The following AP1AR variants were observed in gnomAD, a reference collection of about 807,000 sequenced individuals.
AP1AR encodes the protein AP-1 complex-associated regulatory protein.
AP1AR carries 29 observed loss-of-function variants against 46.3 expected under a neutral mutation model. The observed-to-expected ratio is 0.63, with a 90% CI of 0.47 to 0.85. AP1AR has a LOEUF of 0.85. AP1AR is among the 40% of genes least tolerant of loss of function. AP1AR has a pLI of 0.00. For missense variants in AP1AR, 357 were observed against 356.3 expected (o/e 1.00, Z -0.02); for synonymous variants, 122 against 122.9 (o/e 0.99, Z 0.05).
At chr4:112,265,578 A>C (rs1398556361) in intron 7 of AP1AR, among the ~76,000 whole-genome samples, 156 bp from the exon 8 acceptor site, 1 of 151,962 alleles carries the variant, frequency 6.6e-6, no homozygotes, top group African/African-American at 2.4e-5. Context: ...GTATTAAGAA[A>C]ATTAAGAACT....
intron 1 of AP1AR, among the ~76,000 whole-genome samples, chr4:112,240,572 G>A (rs1725448153): frequency 1.3e-5 from 2 of 152,140 alleles, no homozygotes; most frequent in African/African-American, 4.8e-5. Context: ...ATACTTGTTG[G>A]CAGAATTAAT....
chr4:112,261,514 G>C (rs1726441120), intron 5 of AP1AR, among the ~76,000 whole-genome samples: 1 of 152,014 alleles, frequency 6.6e-6, no homozygotes. Flanking sequence ...TTTTTATCTT[G>C]GTGTATTTGT....
chr4:112,242,241 A>G (rs1344693946), intron 1 of AP1AR, among the ~76,000 whole-genome samples: 1 of 152,180 alleles, frequency 6.6e-6, no homozygotes, highest in Non-Finnish European at 1.5e-5. Context: ...AACATCGATA[A>G]GTGAATATGT....
chr4:112,255,810 CA>C (rs1303877033), intron 3 of AP1AR, among the ~76,000 whole-genome samples: 1 of 152,160 alleles, frequency 6.6e-6, no homozygotes. Flanking sequence ...TGATCTTAGT[CA>C]AAAGGCTAAG....
rs1173235772 is a variant in AP1AR, at chr4:112,242,916, A to G, written c.84-10292A>G. 2.0e-5 allele frequency among the ~76,000 whole-genome samples: 3 copies of G among 152,224 alleles called. No individual in the cohort carries two copies. In the East Asian group the frequency reaches 5.8e-4, roughly 29 times the overall value. ...ATTACATGTAAATGAATGTCCATGG[A>G]TGACTTGGAGGAACTCTAGACTGTT... On this transcript the variant is annotated intron_variant, in intron 1 of 9. Coordinates refer to ENST00000274000, the MANE Select transcript of AP1AR (RefSeq NM_018569.6).
At chr4:112,239,916 C>T (rs1488018661) in intron 1 of AP1AR, among the ~76,000 whole-genome samples, 4 of 152,168 alleles carry the variant, frequency 2.6e-5, no homozygotes, top group Non-Finnish European at 4.4e-5. Context: ...AAATATTTGT[C>T]GACTGAGTGA....
At chr4:112,266,870 C>T in intron 9 of AP1AR, 154 bp downstream of exon 9, 1 of 611,442 alleles carries the variant, frequency 1.6e-6, no homozygotes, top group Non-Finnish European at 2.6e-6. Context: ...TGGTGATGAT[C>T]TCTGTTGATA....
chr4:112,254,691 G>T, intron 2 of AP1AR, 56 bp from the exon 3 acceptor site: 1 of 1,118,462 alleles, frequency 8.9e-7, no homozygotes, highest in South Asian at 1.5e-5. Context: ...AATTTCTTGT[G>T]AGATGTATAC....
chr4:112,253,769 T>C (rs1298488310), intron 2 of AP1AR, among the ~76,000 whole-genome samples: 2 of 152,196 alleles, frequency 1.3e-5, no homozygotes, highest in East Asian at 3.9e-4. Flanking sequence ...TCACCCTGTT[T>C]CATGGATGAA....
At chr4:112,258,448 T>C (rs1349988400) in intron 4 of AP1AR, among the ~76,000 whole-genome samples, 1 of 152,204 alleles carries the variant, frequency 6.6e-6, no homozygotes, top group Non-Finnish European at 1.5e-5. Context: ...GTCTGGGAGA[T>C]AGATTCTCGA....
chr4:112,253,095 A>G (rs1298968204), intron 1 of AP1AR, 113 bp from the exon 2 acceptor site: 7 of 694,502 alleles, frequency 1.0e-5, no homozygotes, highest in South Asian at 2.4e-5. Context: ...AAATATAACT[A>G]TATGTTAGAG....
chr4:112,250,174 G>T (rs754993024), intron 1 of AP1AR, among the ~76,000 whole-genome samples: 6 of 152,194 alleles, frequency 3.9e-5, no homozygotes, highest in Non-Finnish European at 7.3e-5. Flanking sequence ...AGCAAGTAGT[G>T]AAGGATTGAT....
intron 4 of AP1AR, 120 bp downstream of exon 4, chr4:112,257,917 C>T: frequency 1.2e-6 from 1 of 804,546 alleles, no homozygotes; most frequent in Non-Finnish European, 1.8e-6. Context: ...CATTTCAGAA[C>T]TTTCAGATTT....
rs1726868705 is a variant in AP1AR at position 112,269,666 on chromosome 4, T to C, written c.*1257T>C. 1 of 148,172 alleles carries C rather than the reference T, an allele frequency of 6.7e-6. No individual in the cohort carries two copies. Among genetic ancestry groups the C allele is most frequent in the South Asian group, 2.1e-4 (1 of 4,734 alleles). 9.2% of individuals were successfully genotyped at this position (148,172 alleles called of 1,614,324 possible). On this transcript the variant is annotated 3_prime_UTR_variant, in exon 10 of 10. Coordinates refer to ENST00000274000, the MANE Select transcript of AP1AR (RefSeq NM_018569.6). Reference sequence around the variant, plus strand: ...AGTAACCTAAAGTTCTTGCTGTGCTTAAAAAAAAAAATCATGTGGCCCTTT... The same window carrying C: ...AGTAACCTAAAGTTCTTGCTGTGCTCAAAAAAAAAAATCATGTGGCCCTTT...
In AP1AR at chr4:112,259,095, C is replaced by T. The variant is rs574165614; in HGVS notation, c.185+1298C>T. 2.6e-5 allele frequency among the ~76,000 whole-genome samples: 4 copies of T among 152,038 alleles called. 1 individual carries two copies. The South Asian group carries it at 6.2e-4, about 24-fold the overall frequency. ...GAAGAACCAGGAGAGCTTGGGAAGC[C>T]GAGGGAGGGGAGACAGACAGACAGA... On this transcript the variant is annotated intron_variant, in intron 4 of 9. Transcript: ENST00000274000.
intron 1 of AP1AR, among the ~76,000 whole-genome samples, chr4:112,240,067 G>T (rs965719759): frequency 2.6e-5 from 4 of 152,162 alleles, no homozygotes; most frequent in Admixed American, 1.3e-4. Context: ...CCTTTTAAAT[G>T]CAAATCTGTG....
chr4:112,247,225 G>A (rs1009777340), intron 1 of AP1AR, among the ~76,000 whole-genome samples: 1 of 152,198 alleles, frequency 6.6e-6, no homozygotes, highest in African/African-American at 2.4e-5. Flanking sequence ...TGCTGACATT[G>A]CATCTTTGTC....
At chr4:112,248,069 T>G (rs993616872) in intron 1 of AP1AR, among the ~76,000 whole-genome samples, 4 of 152,208 alleles carry the variant, frequency 2.6e-5, no homozygotes, top group Admixed American at 6.5e-5. Context: ...ATCAAGCTTT[T>G]AAATCAAATT....
chr4:112,253,963 A>T (rs1465947498), intron 2 of AP1AR, among the ~76,000 whole-genome samples: 1 of 152,220 alleles, frequency 6.6e-6, no homozygotes, highest in African/African-American at 2.4e-5. Flanking sequence ...AAACTAATAT[A>T]AAAAAAGATA....
Sources: gnomAD v4.1 joint callset for allele counts (sites outside exome capture counted in the v4.1 genomes callset) on GRCh38, gnomAD v4.1.1 for gene constraint, MANE v1.5 for transcripts, NCBI Gene and HGNC (gene_info 2026-07-23, HGNC 2026-07-21) for gene names.